RAB38: variants seen among roughly 807,000 people sequenced by gnomAD.
RAB38 encodes RAB38, member RAS oncogene family, also known as ras-related protein Rab-38.
RAB38 carries 15 observed loss-of-function variants against 18.4 expected under a neutral mutation model. The observed-to-expected ratio is 0.82, with a 90% CI of 0.55 to 1.26. The LOEUF (loss-of-function observed/expected upper bound fraction) is 1.26, where lower values mean the gene tolerates loss of function less well. Among genes scored for constraint, RAB38 ranks in the 50% most tolerant of loss-of-function variants. RAB38 has a pLI of 0.00. For missense variants in RAB38, 294 were observed against 267.4 expected, an observed-to-expected ratio of 1.10 and a Z score of -0.69; for synonymous variants, 101 against 104.4, an observed-to-expected ratio of 0.97 and a Z score of 0.20.
the RAB38 span, among the ~76,000 whole-genome samples, chr11:87,956,767 T>G: frequency 2.6e-5 from 4 of 152,068 alleles, no homozygotes; most frequent in Admixed American, 2.6e-4. Flanking sequence ...AAGTAAGTCA[T>G]AAGACCCGCA....
At chr11:88,108,615 T>A (rs996307835), downstream of RAB38, among the ~76,000 whole-genome samples, 1 of 152,218 alleles carries the variant, frequency 6.6e-6, no homozygotes, top group African/African-American at 2.4e-5. Flanking sequence ...GTTTGTGACT[T>A]TTAATTGGGG....
At chr11:87,940,876 C>T in the RAB38 span, among the ~76,000 whole-genome samples, 1 of 151,984 alleles carries the variant, frequency 6.6e-6, no homozygotes, top group Non-Finnish European at 1.5e-5. Context: ...AAGTGATTCT[C>T]CCTCCTCGGC....
chr11:88,108,633 C>T (rs1002138392), downstream of RAB38, among the ~76,000 whole-genome samples: 2 of 152,130 alleles, frequency 1.3e-5, no homozygotes, highest in African/African-American at 2.4e-5. Context: ...GGGCATGTAG[C>T]CCATTTACAT....
chr11:87,918,445 A>G, the RAB38 span, among the ~76,000 whole-genome samples: 1 of 152,164 alleles, frequency 6.6e-6, no homozygotes, highest in African/African-American at 2.4e-5. Flanking sequence ...CTAATTTTTG[A>G]GGAACTTCCA....
chr11:87,806,156 T>G, the RAB38 span, among the ~76,000 whole-genome samples: 1 of 152,170 alleles, frequency 6.6e-6, no homozygotes, highest in African/African-American at 2.4e-5. Flanking sequence ...TATGTTTTTT[T>G]GACAGAAAGG....
the RAB38 span, among the ~76,000 whole-genome samples, chr11:87,951,322 C>T: frequency 6.6e-6 from 1 of 151,888 alleles, no homozygotes; most frequent in African/African-American, 2.4e-5. Context: ...CTTTTAACTT[C>T]TTTGCCATTG....
At chr11:87,806,199 T>G in the RAB38 span, among the ~76,000 whole-genome samples, 1 of 152,302 alleles carries the variant, frequency 6.6e-6, no homozygotes, top group East Asian at 1.9e-4. Context: ...CTTCATGATA[T>G]GCAGCTTAGT....
chr11:87,828,327 G>T, the RAB38 span, among the ~76,000 whole-genome samples: 102 of 151,988 alleles, frequency 6.7e-4, no homozygotes, highest in African/African-American at 2.0e-3. Flanking sequence ...TCAACATTAA[G>T]AACTTTGTCA....
intron 2 of RAB38, chr11:88,115,492 G>C (rs796376986): frequency 5.3e-5 from 8 of 152,316 alleles, no homozygotes; most frequent in African/African-American, 1.7e-4. Flanking sequence ...CATCCTTCAA[G>C]CCTGAAACTG....
chr11:87,897,865 G>A, the RAB38 span, among the ~76,000 whole-genome samples: 1 of 151,534 alleles, frequency 6.6e-6, no homozygotes, highest in South Asian at 2.1e-4. Flanking sequence ...CTCGAATTGA[G>A]CTAAAGACTA....
chr11:87,930,184 G>A, the RAB38 span, among the ~76,000 whole-genome samples: 1 of 152,136 alleles, frequency 6.6e-6, no homozygotes, highest in Non-Finnish European at 1.5e-5. Flanking sequence ...CCCACCAACA[G>A]TGTAAAAGTG....
At chr11:87,873,949 T>TATATATATATATATACAC in the RAB38 span, among the ~76,000 whole-genome samples, 3 of 138,100 alleles carry the variant, frequency 2.2e-5, no homozygotes, top group South Asian at 4.5e-4. Flanking sequence ...TATATATATA[T>TATATATATATATATACAC]ACTCTGCATA....
the RAB38 span, among the ~76,000 whole-genome samples, chr11:88,032,975 T>G: frequency 6.6e-6 from 1 of 151,862 alleles, no homozygotes; most frequent in Non-Finnish European, 1.5e-5. Flanking sequence ...TTGGAACCAA[T>G]CCAAATGTCC....
At chr11:87,873,863 T>G in the RAB38 span, among the ~76,000 whole-genome samples, 48 of 140,314 alleles carry the variant, frequency 3.4e-4, no homozygotes, top group African/African-American at 7.2e-4. Flanking sequence ...TGTATAGGGG[T>G]GTGTGTGTGT....
chr11:88,015,146 T>G, the RAB38 span, among the ~76,000 whole-genome samples: 1 of 152,066 alleles, frequency 6.6e-6, no homozygotes, highest in Non-Finnish European at 1.5e-5. Flanking sequence ...TCTTAAGAAG[T>G]ATGTGGCTGG....
the RAB38 span, among the ~76,000 whole-genome samples, chr11:87,818,617 A>G: frequency 6.6e-6 from 1 of 152,198 alleles, no homozygotes; most frequent in African/African-American, 2.4e-5. Context: ...TAAAATAAGC[A>G]TTAGGGTCAG....
At chr11:87,933,196 T>C in the RAB38 span, among the ~76,000 whole-genome samples, 6 of 152,038 alleles carry the variant, frequency 3.9e-5, no homozygotes, top group African/African-American at 1.2e-4. Context: ...TGAAAAGAAA[T>C]TAGTACTCAG....
chr11:87,842,798 ACACACACACACGCGCGCG>A, the RAB38 span, among the ~76,000 whole-genome samples: 3 of 101,652 alleles, frequency 3.0e-5, no homozygotes, highest in African/African-American at 9.0e-5. Flanking sequence ...GCGCATGCAC[ACACACACACACGCGCGCG>A]CACACACACA....
the RAB38 span, among the ~76,000 whole-genome samples, chr11:88,032,716 G>C: frequency 2.6e-5 from 4 of 152,176 alleles, no homozygotes; most frequent in Non-Finnish European, 5.9e-5. Context: ...TCATTAAAAA[G>C]TCAGGAAACA....
Sources: gnomAD v4.1 joint callset for allele counts (sites outside exome capture counted in the v4.1 genomes callset) on GRCh38, gnomAD v4.1.1 for gene constraint, MANE v1.5 for transcripts, NCBI Gene and HGNC (gene_info 2026-07-23, HGNC 2026-07-21) for gene names.